The following FAM161B variants were observed in gnomAD, a reference collection of about 807,000 sequenced individuals.
FAM161B encodes the protein protein FAM161B.
A neutral mutation model predicts 61.5 loss-of-function variants in FAM161B; 46 were observed. That is an observed-to-expected ratio of 0.75 (90% CI 0.59 to 0.96). FAM161B has a LOEUF of 0.96. FAM161B is among the 40% of genes least tolerant of loss of function. The pLI, the probability that FAM161B is intolerant of heterozygous loss-of-function variation, is 0.00. For missense variants in FAM161B, 774 were observed against 800.7 expected (o/e 0.97, Z 0.40); for synonymous variants, 284 against 302.7 (o/e 0.94, Z 0.64).
intron 1 of FAM161B, among the ~76,000 whole-genome samples, chr14:73,948,567 TTTTTC>T (rs749840219): frequency 1.3e-5 from 2 of 152,184 alleles, no homozygotes; most frequent in Non-Finnish European, 2.9e-5. Context: ...TTGGGCACGT[TTTTTC>T]TTTTCTTTTA....
chr14:73,923,396 G>A, the FAM161B span: 15 of 1,612,654 alleles, frequency 9.3e-6, no homozygotes, highest in African/African-American at 1.3e-5. Flanking sequence ...GCTTCACAGA[G>A]GTGCTTGCTG....
chr14:73,944,092 T>C (rs1225979188), intron 3 of FAM161B, among the ~76,000 whole-genome samples: 1 of 152,182 alleles, frequency 6.6e-6, no homozygotes, highest in African/African-American at 2.4e-5. Flanking sequence ...TGCATTCACT[T>C]AGATGTCAAC....
In FAM161B at chr14:73,933,170, G is replaced by A. The variant is rs963067108; in HGVS notation, c.*1086C>T. The A allele has an allele frequency of 2.0e-5, 3 of 152,222 alleles. No homozygotes were observed. The highest frequency in any genetic ancestry group is 4.8e-5 in the African/African-American group (2 of 41,454). The allele number at this position is 152,222 out of a possible 1,614,324, so 9.4% of individuals were successfully genotyped here. A position where few individuals can be genotyped will look rare whatever the true frequency, so the allele number is the denominator to read the frequency against. On this transcript the variant is annotated 3_prime_UTR_variant, in exon 9 of 9. Coordinates refer to ENST00000286544, the MANE Select transcript of FAM161B (RefSeq NM_152445.3). Reference sequence around the variant, plus strand: ...AATTACTTGTATTCTTAGAATGCCAGTTTTTGCTTCATGCAGCCATTTATA... The same window carrying A: ...AATTACTTGTATTCTTAGAATGCCAATTTTTGCTTCATGCAGCCATTTATA...
At chr14:73,928,966 T>C (rs1243212222), downstream of FAM161B, among the ~76,000 whole-genome samples, 1 of 151,936 alleles carries the variant, frequency 6.6e-6, no homozygotes, top group African/African-American at 2.4e-5. Context: ...AAAGGAAGTA[T>C]GGTCTTCACT....
At chr14:73,929,479 T>G (rs1364577384), downstream of FAM161B, among the ~76,000 whole-genome samples, 2 of 152,204 alleles carry the variant, frequency 1.3e-5, no homozygotes, top group Admixed American at 1.3e-4. Context: ...CTGATGAACT[T>G]GTACTTCCTG....
intron 5 of FAM161B, 57 bp downstream of exon 5, chr14:73,940,869 T>C: frequency 6.5e-7 from 1 of 1,543,732 alleles, no homozygotes; most frequent in South Asian, 1.2e-5. Flanking sequence ...GGCAGGGAGG[T>C]TTCCAGCATT....
chr14:73,945,481 C>T (rs888248124), intron 2 of FAM161B, among the ~76,000 whole-genome samples: 3 of 151,720 alleles, frequency 2.0e-5, no homozygotes, highest in Admixed American at 2.0e-4. Flanking sequence ...GTACTGTTGC[C>T]CAAGCTGGGC....
At chr14:73,942,830 C>A in intron 3 of FAM161B, 115 bp from the exon 4 acceptor site, 5 of 905,840 alleles carry the variant, frequency 5.5e-6, no homozygotes, top group Non-Finnish European at 8.2e-6. Context: ...CAAGTAGGAA[C>A]TTTTCAGGAA....
chr14:73,931,587 A>G (rs1290027534), downstream of FAM161B: 2 of 1,578,922 alleles, frequency 1.3e-6, no homozygotes, highest in South Asian at 1.1e-5. Context: ...TGATCTCAAA[A>G]TGCGTATACT....
Position 73,944,388 on chromosome 14 carries a change from G to A in FAM161B, c.872C>T (p.Thr291Ile). Residue 291 changes from threonine (T) to isoleucine (I), a missense_variant, in exon 3 of 9, where the codon ACC (threonine) becomes ATC (isoleucine). Thr to Ile is a moderately conservative substitution (Grantham distance 89). Coordinates refer to ENST00000286544, the MANE Select transcript of FAM161B (RefSeq NM_152445.3). ...CAGAATGGACTTGGGAATCCTTCTG[G>A]TGGCCTTCTGCTTGGAGATCTTGGC... The part of the protein sequence containing the change: ...AEAKISKQKA[T>I]RRIPKSILEP... 4 of 1,606,490 alleles carry A rather than the reference G, an allele frequency of 2.5e-6. No individual in the cohort carries two copies. The highest frequency in any genetic ancestry group is 3.4e-6 in the Non-Finnish European group (4 of 1,173,960).
downstream of FAM161B, among the ~76,000 whole-genome samples, chr14:73,927,404 A>G (rs2140331756): frequency 6.6e-6 from 1 of 152,308 alleles, no homozygotes; most frequent in Admixed American, 6.5e-5. Flanking sequence ...TATACAAGAA[A>G]TACTTCTCTC....
chr14:73,940,796 C>G (rs1340921124), intron 5 of FAM161B, 130 bp downstream of exon 5: 9 of 1,333,734 alleles, frequency 6.7e-6, no homozygotes, highest in African/African-American at 1.5e-5. Flanking sequence ...TTGTTCCAGT[C>G]CTGATCAGAA....
At chr14:73,925,339 A>G in the FAM161B span, among the ~76,000 whole-genome samples, 1 of 152,018 alleles carries the variant, frequency 6.6e-6, no homozygotes, top group East Asian at 1.9e-4. Context: ...GGAAATTTTC[A>G]GAGTACAGTG....
intron 4 of FAM161B, among the ~76,000 whole-genome samples, chr14:73,941,488 C>A (rs1007702265): frequency 6.6e-6 from 1 of 151,682 alleles, no homozygotes; most frequent in Non-Finnish European, 1.5e-5. Flanking sequence ...ATTTTTTTTC[C>A]TGGGAATAAG....
At chr14:73,931,494 C>G, downstream of FAM161B, 1 of 1,606,640 alleles carries the variant, frequency 6.2e-7, no homozygotes, top group East Asian at 2.2e-5. Context: ...TGCTTTCAAT[C>G]TTTTACAGTT....
chr14:73,931,049 C>T (rs992616448), downstream of FAM161B, among the ~76,000 whole-genome samples: 6 of 152,108 alleles, frequency 3.9e-5, no homozygotes, highest in Non-Finnish European at 7.4e-5. Flanking sequence ...CCAAGGAACC[C>T]CTAGATCTTT....
Position 73,944,692 on chromosome 14 carries a change from C to A in FAM161B, c.568G>T (p.Gly190Cys), listed in dbSNP as rs149251081. ...TCCTGCTCAAAGGAGGCAGGTGAGC[C>A]CAGCCACTCGGCCTTCTTCCGGGCC... ...REARKKAEWL[G>C]SPASFEQERQ... The change falls in exon 3 of 9, where the codon GGC (glycine) becomes TGC (cysteine). Residue 190 changes from glycine (G) to cysteine (C), a missense_variant. Coordinates refer to ENST00000286544, the MANE Select transcript of FAM161B (RefSeq NM_152445.3). 5.6e-6 allele frequency: 9 copies of A among 1,607,996 alleles called. No individual in the cohort carries two copies. The South Asian group carries it at 6.6e-5, about 12-fold the overall frequency.
chr14:73,923,601 CTCCAGTTTCCATT>C, the FAM161B span: 1 of 1,511,812 alleles, frequency 6.6e-7, no homozygotes, highest in African/African-American at 1.4e-5. Context: ...CTGAAAAAGT[CTCCAGTTTCCATT>C]TCCTGGAAAC....
In FAM161B at chr14:73,945,479, G is replaced by A. The variant is rs981072641; in HGVS notation, c.375-594C>T. Among the ~76,000 whole-genome samples, 6 of 151,748 alleles carry A rather than the reference G, an allele frequency of 4.0e-5. No homozygotes were observed. In the East Asian group the frequency reaches 1.2e-3, roughly 29 times the overall value. ...TTTTGAGATGGAGTCTTGTACTGTT[G>A]CCCAAGCTGGGCGTGATCTTGGCTC... On this transcript the variant is annotated intron_variant, in intron 2 of 8. Transcript: ENST00000286544.
Sources: gnomAD v4.1 joint callset for allele counts (sites outside exome capture counted in the v4.1 genomes callset) on GRCh38, gnomAD v4.1.1 for gene constraint, MANE v1.5 for transcripts, NCBI Gene and HGNC (gene_info 2026-07-23, HGNC 2026-07-21) for gene names.